The following PTPRD variants were observed in gnomAD, a reference collection of about 807,000 sequenced individuals.
PTPRD encodes protein tyrosine phosphatase receptor type D, also known as receptor-type tyrosine-protein phosphatase delta.
A neutral mutation model predicts 214.5 loss-of-function variants in PTPRD; 34 were observed. That is an observed-to-expected ratio of 0.16 (90% CI 0.12 to 0.21). The LOEUF (loss-of-function observed/expected upper bound fraction) is 0.21. Among genes scored for constraint, PTPRD ranks in the 10% least tolerant of loss-of-function variants. The pLI, the probability that PTPRD is intolerant of heterozygous loss-of-function variation, is 1.00. For synonymous variants in PTPRD, 1,128 were observed against 845.7 expected, an observed-to-expected ratio of 1.33 and a Z score of -5.79; for missense variants, 2,545 against 2,398.7, an observed-to-expected ratio of 1.06 and a Z score of -1.27.
chr9:10,132,418 A>C (rs930468199), intron 3 of PTPRD, among the ~76,000 whole-genome samples: 1 of 152,212 alleles, frequency 6.6e-6, no homozygotes, highest in Non-Finnish European at 1.5e-5. Context: ...ACTTTAATTT[A>C]ACAAACACCT....
At chr9:8,696,775 C>T (rs997987944) in intron 12 of PTPRD, among the ~76,000 whole-genome samples, 1 of 152,110 alleles carries the variant, frequency 6.6e-6, no homozygotes, top group African/African-American at 2.4e-5. Context: ...TACTTCATTC[C>T]AAGTTAAATT....
chr9:9,241,274 A>C (rs1039055508), intron 9 of PTPRD, among the ~76,000 whole-genome samples: 1 of 152,180 alleles, frequency 6.6e-6, no homozygotes, highest in African/African-American at 2.4e-5. Context: ...TACATTGGTA[A>C]ATAGAATGAA....
chr9:8,421,045 A>G (rs933469370), intron 35 of PTPRD, among the ~76,000 whole-genome samples: 8 of 152,138 alleles, frequency 5.3e-5, no homozygotes, highest in Admixed American at 3.3e-4. Flanking sequence ...CCATGCCCAT[A>G]AAGTTGCTGT....
At chr9:9,719,522 C>G (rs2097897665) in intron 7 of PTPRD, among the ~76,000 whole-genome samples, 1 of 148,586 alleles carries the variant, frequency 6.7e-6, no homozygotes. Context: ...TGGTACCAGG[C>G]AGCTTCCCCA....
chr9:10,128,188 G>C (rs1162435181), intron 3 of PTPRD, among the ~76,000 whole-genome samples: 2 of 152,112 alleles, frequency 1.3e-5, no homozygotes, highest in East Asian at 1.9e-4. Context: ...TTGGTTCTCT[G>C]AGCTCTGCTA....
At chr9:10,605,684 AG>A (rs1161814485) in intron 2 of PTPRD, among the ~76,000 whole-genome samples, 1 of 151,842 alleles carries the variant, frequency 6.6e-6, no homozygotes, top group African/African-American at 2.4e-5. Context: ...ATATAAAGGG[AG>A]AAATGCCTTA....
At chr9:9,610,850 G>A (rs75049940) in intron 7 of PTPRD, among the ~76,000 whole-genome samples, 1 of 152,078 alleles carries the variant, frequency 6.6e-6, no homozygotes, top group African/African-American at 2.4e-5. Flanking sequence ...ATTAGTAAAA[G>A]TTTTGAACTT....
chr9:10,266,058 C>T (rs192799997), intron 3 of PTPRD, among the ~76,000 whole-genome samples: 34 of 152,206 alleles, frequency 2.2e-4, no homozygotes, highest in Non-Finnish European at 4.4e-4. Context: ...TAAAACTTCA[C>T]GCAATACCTT....
rs187347595 is a variant in PTPRD, at chr9:8,770,354, A to C, written c.-103-36408T>G. ...CTATGATAGTGTAATAAAAAAAAAAACACGATCCACTATCTATTCTAATAC... is the reference window on the plus strand; with the variant it reads ...CTATGATAGTGTAATAAAAAAAAAACCACGATCCACTATCTATTCTAATAC... On this transcript the variant is annotated intron_variant, in intron 11 of 45. Coordinates refer to ENST00000381196, the MANE Select transcript of PTPRD (RefSeq NM_002839.4). Among the ~76,000 whole-genome samples, 630 of 152,150 alleles carry C rather than the reference A, an allele frequency of 4.1e-3. 4 individuals carry two copies. The highest frequency in any genetic ancestry group is 0.014 in the African/African-American group (579 of 41,528).
intron 36 of PTPRD, among the ~76,000 whole-genome samples, chr9:8,401,585 AG>A (rs1301160262): frequency 2.6e-5 from 4 of 152,154 alleles, no homozygotes; most frequent in Non-Finnish European, 5.9e-5. Context: ...TGATTTGGAA[AG>A]ATGTCACCAA....
chr9:8,889,763 C>G (rs1174803577), intron 11 of PTPRD, among the ~76,000 whole-genome samples: 1 of 152,168 alleles, frequency 6.6e-6, no homozygotes, highest in Non-Finnish European at 1.5e-5. Context: ...GTCTCTAACT[C>G]AATCCAGGTT....
intron 8 of PTPRD, among the ~76,000 whole-genome samples, chr9:9,468,208 T>C (rs2094350397): frequency 1.3e-5 from 2 of 152,210 alleles, no homozygotes; most frequent in Non-Finnish European, 2.9e-5. Flanking sequence ...TATCGGTTTT[T>C]ATTTTTTCTG....
intron 14 of PTPRD, among the ~76,000 whole-genome samples, chr9:8,592,177 C>G (rs976027871): frequency 3.9e-5 from 6 of 152,250 alleles, no homozygotes; most frequent in Non-Finnish European, 2.9e-5. Context: ...TGTCTTGATA[C>G]TAAACCCTTT....
chr9:10,037,505 A>G (rs958835725), intron 3 of PTPRD, among the ~76,000 whole-genome samples: 6 of 148,620 alleles, frequency 4.0e-5, no homozygotes, highest in Non-Finnish European at 5.9e-5. Context: ...GCTTTGGTAT[A>G]TTGTGGAAAT....
chr9:10,149,534 C>G (rs1054247927), intron 3 of PTPRD, among the ~76,000 whole-genome samples: 3 of 152,178 alleles, frequency 2.0e-5, no homozygotes, highest in African/African-American at 7.2e-5. Context: ...CCTCCGTCCT[C>G]TACCTGGTGT....
intron 3 of PTPRD, among the ~76,000 whole-genome samples, chr9:10,224,511 G>T (rs902326168): frequency 6.6e-6 from 1 of 151,774 alleles, no homozygotes; most frequent in African/African-American, 2.4e-5. Context: ...TTAAATTATC[G>T]TATGATTTTT....
intron 4 of PTPRD, among the ~76,000 whole-genome samples, chr9:9,947,911 T>C (rs149431485): frequency 1.3e-5 from 2 of 151,648 alleles, no homozygotes; most frequent in African/African-American, 4.8e-5. Flanking sequence ...AAGACAGCCT[T>C]ATAGGGAGCA....
intron 3 of PTPRD, among the ~76,000 whole-genome samples, chr9:10,107,267 A>G (rs1228127031): frequency 6.6e-6 from 1 of 152,032 alleles, no homozygotes; most frequent in Non-Finnish European, 1.5e-5. Context: ...GTAGAAATGG[A>G]TGGAATCTAA....
chr9:10,427,399 C>T (rs912601062), intron 2 of PTPRD, among the ~76,000 whole-genome samples: 1 of 152,044 alleles, frequency 6.6e-6, no homozygotes, highest in Non-Finnish European at 1.5e-5. Flanking sequence ...GCTAAGGCCA[C>T]ACTCAGGTTT....
Sources: gnomAD v4.1 joint callset for allele counts (sites outside exome capture counted in the v4.1 genomes callset) on GRCh38, gnomAD v4.1.1 for gene constraint, MANE v1.5 for transcripts, NCBI Gene and HGNC (gene_info 2026-07-23, HGNC 2026-07-21) for gene names.